BICDL1: variants seen among roughly 807,000 people sequenced by gnomAD.
BICDL1 encodes the protein BICD family like cargo adaptor 1, also known as BICD family-like cargo adapter 1.
In BICDL1, 20 loss-of-function variants were observed where a neutral mutation model predicts 76.8. That is an observed-to-expected ratio of 0.26 (90% CI 0.18 to 0.38). BICDL1 has a LOEUF of 0.38. Among genes scored for constraint, BICDL1 ranks in the 10% least tolerant of loss-of-function variants. The pLI, the probability that BICDL1 is intolerant of heterozygous loss-of-function variation, is 1.00. For missense variants in BICDL1, 700 were observed against 798.6 expected (o/e 0.88, Z 1.49); for synonymous variants, 383 against 337.1 (o/e 1.14, Z -1.49).
At chr12:120,091,350 T>TA (rs1174863694) in intron 9 of BICDL1, 4 of 1,000,438 alleles carry the variant, frequency 4.0e-6, no homozygotes, top group East Asian at 1.1e-4. Context: ...TGCTTAAAGT[T>TA]AAAAAAATGA....
chr12:120,079,918 C>T lies in BICDL1; in HGVS notation c.1453-969C>T, dbSNP rs1196336385. On this transcript the variant is annotated intron_variant, in intron 7 of 9. Coordinates refer to ENST00000548673, the MANE Select transcript of BICDL1 (RefSeq NM_001367886.1). The surrounding 1 kb of genome is among the most constrained non-coding windows in gnomAD (Gnocchi z 4.3). ...TGGTCACAGGCCCACGCCCAGACTG[C>T]CTGGGAAAGGAAATGTCTATTCCCT... Among the ~76,000 whole-genome samples, 2 of 152,326 alleles carry T rather than the reference C, an allele frequency of 1.3e-5. No individual in the cohort carries two copies. The highest frequency in any genetic ancestry group is 3.9e-4 in the East Asian group (2 of 5,176).
At position 120,025,089 on chromosome 12, in the gene BICDL1, A is replaced by G. The variant is rs953065624; in HGVS notation, c.645+26353A>G. 5.3e-5 allele frequency among the ~76,000 whole-genome samples: 7 copies of G among 132,278 alleles called. No homozygotes were observed. The East Asian group carries it at 6.5e-4, about 12-fold the overall frequency. 86.8% of individuals were successfully genotyped at this position (132,278 alleles called of 152,430 possible). On this transcript the variant is annotated intron_variant, in intron 2 of 9. Coordinates refer to ENST00000548673, the MANE Select transcript of BICDL1 (RefSeq NM_001367886.1). ...TTTGAGACGGAGGAGTCTTTCTGTC[A>G]CCCAGGCTGGAGTGCAGTGGCGCGA...
chr12:119,991,315 G>T (rs761040517), intron 1 of BICDL1, among the ~76,000 whole-genome samples: 1 of 152,332 alleles, frequency 6.6e-6, no homozygotes, highest in African/African-American at 2.4e-5. Flanking sequence ...CCCTAGTCAG[G>T]TTCCGTATCT....
chr12:120,018,070 G>T (rs1271698863), intron 2 of BICDL1, among the ~76,000 whole-genome samples: 3 of 152,168 alleles, frequency 2.0e-5, no homozygotes, highest in African/African-American at 7.2e-5. Flanking sequence ...TTTAGTAAAT[G>T]CTATTCCTGT....
At position 119,998,768 on chromosome 12, in the gene BICDL1, A is replaced by T. The variant is rs771746776; in HGVS notation, c.645+32A>T. ...CACAAATTAAGAATTTAAGATGTAA[A>T]ATACTAAAAGTTGAAATAGGCTGGG... On this transcript the variant is annotated intron_variant, in intron 2 of 9. Transcript: ENST00000548673. The T allele has an allele frequency of 2.5e-6, 4 of 1,591,158 alleles. No homozygotes were observed. The East Asian group carries it at 9.1e-5, about 36-fold the overall frequency.
At chr12:120,068,771 G>A (rs1018201030) in intron 4 of BICDL1, among the ~76,000 whole-genome samples, 10 of 152,146 alleles carry the variant, frequency 6.6e-5, no homozygotes, top group South Asian at 2.1e-4. Context: ...AGCCACAATC[G>A]TGCCACTGCA....
chr12:120,029,878 C>T (rs1341100803), intron 2 of BICDL1, among the ~76,000 whole-genome samples: 1 of 152,140 alleles, frequency 6.6e-6, no homozygotes, highest in African/African-American at 2.4e-5. Flanking sequence ...AACTCCTGAC[C>T]TCAGGTGATC....
intron 7 of BICDL1, among the ~76,000 whole-genome samples, chr12:120,077,396 C>CCCT (rs1873635766): frequency 6.6e-6 from 1 of 152,138 alleles, no homozygotes; most frequent in African/African-American, 2.4e-5. Flanking sequence ...AGTGGCCCAC[C>CCCT]CCTCACCTCT....
intron 2 of BICDL1, 54 bp from the exon 3 acceptor site, chr12:120,061,656 C>T: frequency 8.2e-7 from 1 of 1,214,342 alleles, no homozygotes; most frequent in Admixed American, 1.7e-5. Context: ...GAAACCTTAA[C>T]AGAGTTCCTT....
At chr12:120,055,862 C>G (rs888740259) in intron 2 of BICDL1, among the ~76,000 whole-genome samples, 5 of 152,176 alleles carry the variant, frequency 3.3e-5, no homozygotes, top group African/African-American at 1.2e-4. Flanking sequence ...TTTTAGAGGA[C>G]TGTTTTGCAA....
At chr12:120,087,245 C>T (rs1363730207) in intron 8 of BICDL1, among the ~76,000 whole-genome samples, 1 of 152,228 alleles carries the variant, frequency 6.6e-6, no homozygotes, top group African/African-American at 2.4e-5. Context: ...CCTCAGCATC[C>T]ATTAGACGGG....
rs148152888 is a variant in BICDL1, at chr12:120,015,226, A to AT, written c.645+16496dup. Among the ~76,000 whole-genome samples the AT allele has an allele frequency of 4.2e-3, 637 of 152,116 alleles. 10 individuals are homozygous for AT. Among genetic ancestry groups the AT allele is most frequent in the African/African-American group, 0.015 (610 of 41,466 alleles). On this transcript the variant is annotated intron_variant, in intron 2 of 9. Transcript: ENST00000548673. ...CCTTGCCTTTAAGCTCTGCTCCTCC[A>AT]TTTTTTCCCATTGTCAGATACCTTC...
intron 5 of BICDL1, among the ~76,000 whole-genome samples, chr12:120,072,181 A>G (rs1018244942): frequency 1.3e-5 from 2 of 152,184 alleles, no homozygotes; most frequent in Non-Finnish European, 2.9e-5. Flanking sequence ...TTCTTTTCAC[A>G]CTTTTCATAA....
intron 4 of BICDL1, among the ~76,000 whole-genome samples, chr12:120,067,162 G>A (rs1198898324): frequency 6.6e-6 from 1 of 152,240 alleles, no homozygotes; most frequent in African/African-American, 2.4e-5. Flanking sequence ...ATCCAGTAAA[G>A]GAAATCTATT....
At position 119,990,288 on chromosome 12, in the gene BICDL1, C is replaced by T; in HGVS notation, c.420C>T (p.Asp140=). The T allele has an allele frequency of 6.4e-7, 1 of 1,565,532 alleles. No homozygotes were observed. The highest frequency in any genetic ancestry group is 8.7e-7 in the Non-Finnish European group (1 of 1,155,842). Residue 140 remains aspartate (D), a synonymous_variant, in exon 1 of 10, where the codon GAC becomes GAT. Transcript: ENST00000548673. The stretch of plus-strand genomic sequence containing the variant: ...AGCAGATGCATAAGGAGCTGACAGA[C>T]AAGCTCGAGGTGAGGACCTCCCTCC... ...QYEQMHKELT[D]KLEHLEQEKH... is the part of the protein sequence containing the mutation.
At position 119,998,625 on chromosome 12, in the gene BICDL1, G is replaced by A. The variant is rs762235341; in HGVS notation, c.534G>A (p.Gln178=). The change falls in exon 2 of 10, where the codon CAG becomes CAA. Residue 178 remains glutamine (Q), a synonymous_variant. Transcript: ENST00000548673. ...TGGAGAGTGATGTGAAGCAGCTACA[G>A]GATGAGTTGGAGAGGCAGCAGATTC... ...SELESDVKQL[Q]DELERQQIHL... The A allele has an allele frequency of 6.2e-7, 1 of 1,614,140 alleles. No individual in the cohort carries two copies. The highest frequency in any genetic ancestry group is 1.1e-5 in the South Asian group (1 of 91,068).
At chr12:120,017,337 G>A (rs1045761238) in intron 2 of BICDL1, among the ~76,000 whole-genome samples, 1 of 152,172 alleles carries the variant, frequency 6.6e-6, no homozygotes, top group African/African-American at 2.4e-5. Context: ...AAAGCAACTC[G>A]GTGTCCCCAA....
intron 2 of BICDL1, among the ~76,000 whole-genome samples, chr12:120,053,073 G>A (rs1952898374): frequency 6.6e-6 from 1 of 151,766 alleles, no homozygotes; most frequent in South Asian, 2.1e-4. Flanking sequence ...AGCTACCACA[G>A]CCAGCCTGAT....
intron 2 of BICDL1, among the ~76,000 whole-genome samples, chr12:120,032,820 C>G (rs1952450720): frequency 6.8e-6 from 1 of 146,930 alleles, no homozygotes; most frequent in Non-Finnish European, 1.5e-5. Context: ...GATCTTGGCT[C>G]ACTGCAACTT....
Sources: gnomAD v4.1 joint callset for allele counts (sites outside exome capture counted in the v4.1 genomes callset) on GRCh38, gnomAD v4.1.1 for gene constraint, Gnocchi (gnomAD v3.1) non-coding constraint, MANE v1.5 for transcripts, NCBI Gene and HGNC (gene_info 2026-07-23, HGNC 2026-07-21) for gene names.